The following WASHC3 variants were observed in gnomAD, a reference collection of about 807,000 sequenced individuals.
WASHC3 encodes the protein WASH complex subunit CCDC53.
A neutral mutation model predicts 26.1 loss-of-function variants in WASHC3; 24 were observed. The ratio of observed to expected loss-of-function variants is 0.92; its 90% CI spans 0.66 to 1.29. The LOEUF is 1.29. Among genes scored for constraint, WASHC3 ranks in the 50% most tolerant of loss-of-function variants. The probability of loss-of-function intolerance (pLI) is 0.00; values close to 1 mark genes in which losing one functional copy is unlikely to be tolerated. For synonymous variants in WASHC3, 77 were observed against 75.7 expected (o/e 1.02, Z -0.09); for missense variants, 214 against 229.6 (o/e 0.93, Z 0.44).
chr12:102,023,457 T>C (rs1361182922), intron 6 of WASHC3, among the ~76,000 whole-genome samples: 1 of 152,212 alleles, frequency 6.6e-6, no homozygotes, highest in Non-Finnish European at 1.5e-5. Context: ...CTGAAAGTTC[T>C]TGGCTGAGGC....
At chr12:102,059,001 A>G (rs1048175969) in intron 2 of WASHC3, among the ~76,000 whole-genome samples, 27 of 152,336 alleles carry the variant, frequency 1.8e-4, no homozygotes, top group African/African-American at 5.8e-4. Context: ...AAAAAAGTAC[A>G]ACTCATAGAA....
intron 5 of WASHC3, among the ~76,000 whole-genome samples, chr12:102,036,894 A>C (rs1295273374): frequency 1.3e-5 from 2 of 152,226 alleles, no homozygotes; most frequent in Non-Finnish European, 2.9e-5. Flanking sequence ...GGCTAGAGTT[A>C]AGTGCTAAGT....
At chr12:102,017,470 CTT>C (rs1171209417) in intron 6 of WASHC3, among the ~76,000 whole-genome samples, 3 of 152,206 alleles carry the variant, frequency 2.0e-5, no homozygotes, top group African/African-American at 7.2e-5. Context: ...TCGAGTAAGA[CTT>C]TGCCAGAAAC....
At chr12:102,038,997 A>G (rs1290572720) in intron 5 of WASHC3, among the ~76,000 whole-genome samples, 3 of 151,960 alleles carry the variant, frequency 2.0e-5, no homozygotes, top group African/African-American at 7.2e-5. Flanking sequence ...TCTGTCACCT[A>G]CGCTGAAGTA....
intron 2 of WASHC3, among the ~76,000 whole-genome samples, chr12:102,053,462 CT>C (rs1307830365): frequency 1.3e-5 from 2 of 152,186 alleles, no homozygotes; most frequent in African/African-American, 2.4e-5. Flanking sequence ...TGGTGAAGGG[CT>C]TTCCCAGACA....
At chr12:102,028,593 G>A (rs1439928530) in intron 5 of WASHC3, among the ~76,000 whole-genome samples, 2 of 151,722 alleles carry the variant, frequency 1.3e-5, no homozygotes, top group Admixed American at 6.6e-5. Context: ...AGGAGAATGA[G>A]GTTGAAAAAA....
chr12:102,061,862 C>T (rs1030494155), intron 1 of WASHC3, 50 bp downstream of exon 1: 2 of 1,509,594 alleles, frequency 1.3e-6, no homozygotes, highest in Non-Finnish European at 9.0e-7. Context: ...GCTGCGTCTT[C>T]CCCATCCTCC....
intron 2 of WASHC3, among the ~76,000 whole-genome samples, chr12:102,055,410 A>C (rs898249128): frequency 2.6e-5 from 4 of 152,132 alleles, no homozygotes; most frequent in Non-Finnish European, 5.9e-5. Flanking sequence ...CAATGGCGCA[A>C]TCTTGGCTCA....
At chr12:102,038,789 A>G (rs1327256262) in intron 5 of WASHC3, among the ~76,000 whole-genome samples, 1 of 152,170 alleles carries the variant, frequency 6.6e-6, no homozygotes, top group African/African-American at 2.4e-5. Flanking sequence ...ATAGCTAGGA[A>G]AAGTGCAGCT....
intron 6 of WASHC3, among the ~76,000 whole-genome samples, chr12:102,021,495 C>T (rs547143624): frequency 6.6e-6 from 1 of 152,276 alleles, no homozygotes; most frequent in Admixed American, 6.5e-5. Context: ...TCTATTATCT[C>T]TCTCATTCTT....
At chr12:102,049,369 A>G (rs2136680879) in intron 2 of WASHC3, among the ~76,000 whole-genome samples, 1 of 152,372 alleles carries the variant, frequency 6.6e-6, no homozygotes, top group East Asian at 1.9e-4. Flanking sequence ...TGAAAGTTTT[A>G]GCAAGAGGAA....
intron 6 of WASHC3, among the ~76,000 whole-genome samples, chr12:102,015,369 A>C (rs2121313364): frequency 6.6e-6 from 1 of 152,344 alleles, no homozygotes; most frequent in African/African-American, 2.4e-5. Context: ...TTATGTGTGT[A>C]ACCATTTATT....
intron 6 of WASHC3, among the ~76,000 whole-genome samples, chr12:102,016,503 C>A (rs143559572): frequency 8.5e-5 from 13 of 152,272 alleles, no homozygotes; most frequent in Non-Finnish European, 1.9e-4. Context: ...CTGTGCCTGG[C>A]CTCTGTTGTT....
chr12:102,015,439 G>A (rs898596990), intron 6 of WASHC3, among the ~76,000 whole-genome samples: 2 of 152,184 alleles, frequency 1.3e-5, no homozygotes, highest in Non-Finnish European at 2.9e-5. Context: ...TACAGACTGT[G>A]CTAAAATCCC....
At position 102,017,181 on chromosome 12, in the gene WASHC3, C is replaced by T. The variant is rs558706842; in HGVS notation, c.501-3989G>A. Among the ~76,000 whole-genome samples, 8 of 152,246 alleles carry T rather than the reference C, an allele frequency of 5.3e-5. No homozygotes were observed. The South Asian group carries it at 1.5e-3, about 28-fold the overall frequency. The stretch of plus-strand genomic sequence containing the variant: ...AATACTTGTCATTGTGTTACAATTG[C>T]CTACAGTATTTGGTATAGTAATATG... On this transcript the variant is annotated intron_variant, in intron 6 of 6. Coordinates refer to ENST00000240079, the MANE Select transcript of WASHC3 (RefSeq NM_016053.4).
At chr12:102,048,072 T>C (rs998073026) in intron 2 of WASHC3, among the ~76,000 whole-genome samples, 5 of 152,224 alleles carry the variant, frequency 3.3e-5, no homozygotes, top group African/African-American at 1.2e-4. Flanking sequence ...GAATTTTTGT[T>C]ATCCAAAGCT....
intron 6 of WASHC3, chr12:102,017,725 A>G (rs1447236668): frequency 2.5e-6 from 1 of 400,398 alleles, no homozygotes; most frequent in Non-Finnish European, 4.8e-6. Context: ...TGTACCTGCA[A>G]TGTATGAGGG....
At chr12:102,040,628 C>A (rs1287855615) in intron 4 of WASHC3, among the ~76,000 whole-genome samples, 1 of 151,982 alleles carries the variant, frequency 6.6e-6, no homozygotes, top group Non-Finnish European at 1.5e-5. Context: ...ATATGACTTA[C>A]AATAAAGAAT....
intron 5 of WASHC3, among the ~76,000 whole-genome samples, chr12:102,027,127 A>G (rs1457696947): frequency 6.6e-6 from 1 of 152,212 alleles, no homozygotes; most frequent in Non-Finnish European, 1.5e-5. Flanking sequence ...AGGAATAATC[A>G]AATTAGGCTA....
Sources: gnomAD v4.1 joint callset for allele counts (sites outside exome capture counted in the v4.1 genomes callset) on GRCh38, gnomAD v4.1.1 for gene constraint, MANE v1.5 for transcripts, NCBI Gene and HGNC (gene_info 2026-07-23, HGNC 2026-07-21) for gene names.